Variants in SPNS2 observed in about 807,000 individuals in gnomAD.
The protein encoded by SPNS2 is sphingosine-1-phosphate transporter SPNS2.
A neutral mutation model predicts 57.6 loss-of-function variants in SPNS2; 37 were observed. That is an observed-to-expected ratio of 0.64 (90% CI 0.49 to 0.85). SPNS2 has a LOEUF of 0.85. Among genes scored for constraint, SPNS2 ranks in the 40% least tolerant of loss-of-function variants. SPNS2 has a pLI of 0.00. For synonymous variants in SPNS2, 440 were observed against 346.9 expected (o/e 1.27, Z -2.98); for missense variants, 831 against 779.1 (o/e 1.07, Z -0.79).
intron 9 of SPNS2, among the ~76,000 whole-genome samples, chr17:4,535,725 TG>T (rs1905747542): frequency 6.6e-6 from 1 of 151,950 alleles, no homozygotes; most frequent in Non-Finnish European, 1.5e-5. Context: ...AGGGGTGTGC[TG>T]GGGGCACAGC....
rs778972753 is a variant in SPNS2, at chr17:4,533,001, G to C, written c.960G>C (p.Leu320=). The change falls in exon 7 of 13, where the codon CTG becomes CTC. Residue 320 remains leucine (L), a synonymous_variant. Transcript: ENST00000329078. Reference sequence around the variant, plus strand: ...GCCGCAGCTACGTCTTCTCCTCCCTGGCCACGTCGGCTGTCTCCTTCGCCA... The same window carrying C: ...GCCGCAGCTACGTCTTCTCCTCCCTCGCCACGTCGGCTGTCTCCTTCGCCA... ...IRNRSYVFSS[L]ATSAVSFATG... is the part of the protein sequence containing the mutation. The C allele has an allele frequency of 1.6e-5, 25 of 1,612,886 alleles. No homozygotes were observed. The highest frequency in any genetic ancestry group is 2.1e-5 in the Non-Finnish European group (25 of 1,179,832).
In SPNS2 at chr17:4,512,673, C is replaced by T. The variant is rs946188642; in HGVS notation, c.371-574C>T. ...GCGCGCGCACGGGTATGTGTGTGCG[C>T]GCGTGGGTGTGTATGCATGTGTGCA... On this transcript the variant is annotated intron_variant, in intron 1 of 12. Coordinates refer to ENST00000329078, the MANE Select transcript of SPNS2 (RefSeq NM_001124758.3). This position sits in a 1 kb window ranked among gnomAD's most constrained non-coding sequence, Gnocchi z 5.2. Among the ~76,000 whole-genome samples, 8 of 148,676 alleles carry T rather than the reference C, an allele frequency of 5.4e-5. No homozygotes were observed. The highest frequency in any genetic ancestry group is 8.9e-5 in the Non-Finnish European group (6 of 67,762).
At position 4,522,118 on chromosome 17, in the gene SPNS2, G is replaced by C. The variant is rs1463103672; in HGVS notation, c.437-2939G>C. Among the ~76,000 whole-genome samples the C allele has an allele frequency of 3.9e-5, 6 of 152,216 alleles. No individual in the cohort carries two copies. The South Asian group carries it at 6.2e-4, about 16-fold the overall frequency. On this transcript the variant is annotated intron_variant, in intron 2 of 12. Coordinates refer to ENST00000329078, the MANE Select transcript of SPNS2 (RefSeq NM_001124758.3). ...GGAGGCCGAGGCAAGAGAATCGCTT[G>C]AACCCGGGAGGCAGAGATTGCAGTG...
Position 4,499,021 on chromosome 17 carries a change from C to T in SPNS2, c.-27C>T, listed in dbSNP as rs1351114158. 3.0e-6 allele frequency: 3 copies of T among 995,998 alleles called. No individual in the cohort carries two copies. The highest frequency in any genetic ancestry group is 1.1e-4 in the East Asian group (1 of 9,334). The allele number at this position is 995,998 out of a possible 1,614,324, so 61.7% of individuals were successfully genotyped here. A position where few individuals can be genotyped will look rare whatever the true frequency, so the allele number is the denominator to read the frequency against. On this transcript the variant is annotated 5_prime_UTR_variant, in exon 1 of 13. Transcript: ENST00000329078. This position sits in a 1 kb window ranked among gnomAD's most constrained non-coding sequence, Gnocchi z 5.2. Reference sequence around the variant, plus strand: ...CAGCCTGGGCCCCGCGCCCCCCGCGCCCCCCGCCGCCCCGATCCGGGCCGG... The same window carrying T: ...CAGCCTGGGCCCCGCGCCCCCCGCGTCCCCCGCCGCCCCGATCCGGGCCGG...
chr17:4,520,369 G>A (rs145247892), intron 2 of SPNS2, among the ~76,000 whole-genome samples: 6 of 152,306 alleles, frequency 3.9e-5, no homozygotes, highest in African/African-American at 1.4e-4. Flanking sequence ...CTCCACTGTG[G>A]GCAAGAGGAG....
chr17:4,520,337 TAAG>T (rs1339685668), intron 2 of SPNS2, among the ~76,000 whole-genome samples: 1 of 152,030 alleles, frequency 6.6e-6, no homozygotes, highest in African/African-American at 2.4e-5. Context: ...TTGAAAGAGC[TAAG>T]AAGGGCCCGT....
At position 4,533,303 on chromosome 17, in the gene SPNS2, A is replaced by G. The variant is rs770051106; in HGVS notation, c.1149A>G (p.Gly383=). Reference sequence around the variant, plus strand: ...TTCTGGGCGTGGTCACGGGGGCAGGAGCCACGCGCTGGTGCCGCCTGAAGA... The same window carrying G: ...TTCTGGGCGTGGTCACGGGGGCAGGGGCCACGCGCTGGTGCCGCCTGAAGA... ...TGFLGVVTGA[G]ATRWCRLKTQ... Residue 383 remains glycine, a synonymous_variant, in exon 8 of 13, where the codon GGA becomes GGG. Transcript: ENST00000329078. 1 of 1,611,458 alleles carries G rather than the reference A, an allele frequency of 6.2e-7. No homozygotes were observed. The highest frequency in any genetic ancestry group is 1.7e-5 in the Admixed American group (1 of 59,916).
At chr17:4,519,820 A>G (rs1362892783) in intron 2 of SPNS2, among the ~76,000 whole-genome samples, 3 of 152,142 alleles carry the variant, frequency 2.0e-5, no homozygotes, top group Non-Finnish European at 4.4e-5. Context: ...CTGTGTCCCC[A>G]TCGGACACAG....
At chr17:4,532,878 C>T (rs759495649) in intron 6 of SPNS2, 99 bp from the exon 7 acceptor site, 461 of 1,504,236 alleles carry the variant, frequency 3.1e-4, no homozygotes, top group Non-Finnish European at 3.8e-4. Flanking sequence ...GCCTGTAAGA[C>T]GAGGCATTTG....
chr17:4,536,577 C>T, intron 11 of SPNS2, 151 bp downstream of exon 11: 2 of 1,010,668 alleles, frequency 2.0e-6, no homozygotes, highest in South Asian at 1.7e-5. Context: ...AGCCCTGAGG[C>T]CCAGTGCCAG....
chr17:4,518,433 G>A (rs1905052293), intron 2 of SPNS2, among the ~76,000 whole-genome samples: 1 of 152,256 alleles, frequency 6.6e-6, no homozygotes, highest in Admixed American at 6.5e-5. Flanking sequence ...TGAGGCAGGG[G>A]AATGGCATGA....
rs748014315 is a variant in SPNS2, at chr17:4,536,434, G to GA, written c.1607+8_1607+9insA. ...CGCCAGGGCTGAGCAGCAGTGAGTGGGGGGGAGGGGAGGCCCTGCTGCACC... is the reference window on the plus strand; with the variant it reads ...CGCCAGGGCTGAGCAGCAGTGAGTGGAGGGGGAGGGGAGGCCCTGCTGCACC... On this transcript the variant is annotated intron_variant, in intron 11 of 12. Transcript: ENST00000329078. 6.3e-6 allele frequency: 10 copies of GA among 1,591,404 alleles called. No homozygotes were observed. Among genetic ancestry groups the GA allele is most frequent in the African/African-American group, 5.4e-5 (4 of 74,478 alleles).
chr17:4,534,138 T>C (rs1905643883), intron 9 of SPNS2, among the ~76,000 whole-genome samples: 2 of 152,150 alleles, frequency 1.3e-5, no homozygotes, highest in African/African-American at 4.8e-5. Context: ...GGTGCCAGGC[T>C]GGCACTGAGG....
rs1226931715 is a variant in SPNS2 at position 4,537,816 on chromosome 17, G to A, written c.*368G>A. 3 of 455,452 alleles carry A rather than the reference G, an allele frequency of 6.6e-6. No individual in the cohort carries two copies. The highest frequency in any genetic ancestry group is 2.4e-5 in the Admixed American group (1 of 42,552). 28.2% of individuals were successfully genotyped at this position (455,452 alleles called of 1,614,324 possible). On this transcript the variant is annotated 3_prime_UTR_variant, in exon 13 of 13. Transcript: ENST00000329078. ...TGCCCTCCCTGGAACGAAGGGCCAG[G>A]GGGCTGGACTTTCCCACACAACTTG...
intron 3 of SPNS2, among the ~76,000 whole-genome samples, chr17:4,529,226 G>A (rs1019141308): frequency 6.6e-6 from 1 of 151,926 alleles, no homozygotes; most frequent in African/African-American, 2.4e-5. Context: ...GAGCCACTGC[G>A]CCTGGCCCGA....
chr17:4,518,643 G>T (rs1282013261), intron 2 of SPNS2, among the ~76,000 whole-genome samples: 1 of 152,230 alleles, frequency 6.6e-6, no homozygotes, highest in African/African-American at 2.4e-5. Flanking sequence ...GGGTTTGTAG[G>T]CTCACGAGGA....
chr17:4,527,015 C>T (rs998185683), intron 3 of SPNS2, among the ~76,000 whole-genome samples: 1 of 152,194 alleles, frequency 6.6e-6, no homozygotes, highest in Non-Finnish European at 1.5e-5. Context: ...TCTGAGGCTG[C>T]TCCTGGGACT....
At chr17:4,534,770 C>T (rs570909096) in intron 9 of SPNS2, among the ~76,000 whole-genome samples, 8 of 151,678 alleles carry the variant, frequency 5.3e-5, no homozygotes, top group South Asian at 4.2e-4. Context: ...CGGAGCCAGG[C>T]GGTGGCAGGG....
chr17:4,521,522 CT>C (rs1567591561), intron 2 of SPNS2, among the ~76,000 whole-genome samples: 1 of 152,242 alleles, frequency 6.6e-6, no homozygotes, highest in Non-Finnish European at 1.5e-5. Flanking sequence ...CCCTGGAGAG[CT>C]GCTATTTTTA....
Sources: gnomAD v4.1 joint callset for allele counts (sites outside exome capture counted in the v4.1 genomes callset) on GRCh38, gnomAD v4.1.1 for gene constraint, Gnocchi (gnomAD v3.1) non-coding constraint, MANE v1.5 for transcripts, NCBI Gene and HGNC (gene_info 2026-07-23, HGNC 2026-07-21) for gene names.